NKAIN3: variants seen among roughly 807,000 people sequenced by gnomAD.
NKAIN3 encodes sodium/potassium-transporting ATPase subunit beta-1-interacting protein 3.
In NKAIN3, 25 loss-of-function variants were observed where a neutral mutation model predicts 30.2. The observed-to-expected ratio is 0.83, with a 90% CI of 0.60 to 1.16. The LOEUF is 1.16. Ranked by LOEUF, NKAIN3 falls within the 50% of genes most tolerant of loss-of-function variation. NKAIN3 has a pLI of 0.00. For synonymous variants in NKAIN3, 91 were observed against 89.6 expected (o/e 1.02, Z -0.09); for missense variants, 225 against 254.1 (o/e 0.89, Z 0.78).
At chr8:62,811,920 A>G (rs1030315346) in intron 4 of NKAIN3, among the ~76,000 whole-genome samples, 3 of 151,890 alleles carry the variant, frequency 2.0e-5, no homozygotes, top group Non-Finnish European at 4.4e-5. Flanking sequence ...TTGCCTAGCT[A>G]TAGACACCAA....
chr8:62,300,322 C>T (rs575391919), intron 1 of NKAIN3, among the ~76,000 whole-genome samples: 21 of 152,036 alleles, frequency 1.4e-4, no homozygotes, highest in Admixed American at 4.6e-4. Flanking sequence ...TTAAATTAAA[C>T]GAGAACAAAC....
chr8:62,803,441 G>C (rs1425099890), intron 4 of NKAIN3, among the ~76,000 whole-genome samples: 1 of 152,046 alleles, frequency 6.6e-6, no homozygotes, highest in Admixed American at 6.6e-5. Context: ...AATCAAACTA[G>C]AACTCAGGAT....
intron 3 of NKAIN3, among the ~76,000 whole-genome samples, chr8:62,622,786 A>G (rs1261012453): frequency 1.3e-5 from 2 of 151,866 alleles, no homozygotes; most frequent in Non-Finnish European, 2.9e-5. Flanking sequence ...TATAAGATCC[A>G]ATTTATTTTC....
chr8:62,951,938 T>A (rs1823294103), intron 5 of NKAIN3, among the ~76,000 whole-genome samples: 1 of 152,108 alleles, frequency 6.6e-6, no homozygotes, highest in South Asian at 2.1e-4. Context: ...TAGCTGGGAT[T>A]AGAGGTGTGT....
intron 2 of NKAIN3, among the ~76,000 whole-genome samples, chr8:62,582,565 G>A (rs1029730770): frequency 2.6e-5 from 4 of 152,110 alleles, no homozygotes; most frequent in African/African-American, 7.2e-5. Flanking sequence ...TATGAGACAA[G>A]TGTGAGAGTG....
chr8:62,598,925 C>T (rs1030483785), intron 3 of NKAIN3, among the ~76,000 whole-genome samples: 11 of 152,066 alleles, frequency 7.2e-5, no homozygotes, highest in Admixed American at 2.6e-4. Context: ...GTAATGATCC[C>T]AGCTGGATCA....
At chr8:62,748,938 T>C (rs1229862406) in intron 4 of NKAIN3, among the ~76,000 whole-genome samples, 2 of 152,204 alleles carry the variant, frequency 1.3e-5, no homozygotes, top group Non-Finnish European at 2.9e-5. Context: ...ACATACAAAA[T>C]TGTGGCAAAA....
chr8:62,499,968 A>G (rs1780617036), intron 1 of NKAIN3, among the ~76,000 whole-genome samples: 1 of 151,976 alleles, frequency 6.6e-6, no homozygotes, highest in Non-Finnish European at 1.5e-5. Context: ...ATAATGAAAT[A>G]ACTGATTGTT....
intron 5 of NKAIN3, among the ~76,000 whole-genome samples, chr8:62,997,629 T>C (rs1804147821): frequency 6.6e-6 from 1 of 152,172 alleles, no homozygotes; most frequent in African/African-American, 2.4e-5. Context: ...TTCTGGATAA[T>C]TCACTTAACA....
rs976383132 is a variant in NKAIN3 at position 62,471,249 on chromosome 8, G to T, written c.55-108290G>T. 9.2e-5 allele frequency among the ~76,000 whole-genome samples: 14 copies of T among 151,986 alleles called. No homozygotes were observed. In the East Asian group the frequency reaches 2.7e-3, roughly 29 times the overall value. Reference sequence around the variant, plus strand: ...AAGAGAGTGGATAGTCCTGGGGAGGGCGGGTTAAAGGATGAGAGTAGCACT... The same window carrying T: ...AAGAGAGTGGATAGTCCTGGGGAGGTCGGGTTAAAGGATGAGAGTAGCACT... On this transcript the variant is annotated intron_variant, in intron 1 of 6. Coordinates refer to ENST00000623646, the MANE Select transcript of NKAIN3 (RefSeq NM_001304533.3).
chr8:62,859,107 A>G (rs1262060051), intron 4 of NKAIN3, among the ~76,000 whole-genome samples: 20 of 152,154 alleles, frequency 1.3e-4, no homozygotes, highest in Admixed American at 1.3e-3. Context: ...CGCAGGTTGC[A>G]AAGATCTGTG....
intron 3 of NKAIN3, among the ~76,000 whole-genome samples, chr8:62,721,510 C>T (rs182623493): frequency 3.3e-5 from 5 of 152,268 alleles, no homozygotes; most frequent in Admixed American, 1.3e-4. Flanking sequence ...ATGATTAGAA[C>T]ACCAGCCAAA....
intron 4 of NKAIN3, among the ~76,000 whole-genome samples, chr8:62,766,255 T>C (rs1369980103): frequency 6.6e-6 from 1 of 152,162 alleles, no homozygotes; most frequent in Admixed American, 6.5e-5. Flanking sequence ...ATAACTACTT[T>C]ATTAACTCAT....
chr8:62,349,813 T>G (rs7842084), intron 1 of NKAIN3, among the ~76,000 whole-genome samples: 1 of 152,128 alleles, frequency 6.6e-6, no homozygotes, highest in African/African-American at 2.4e-5. Context: ...AAGGTAGATA[T>G]ATCAGACCTT....
chr8:62,811,908 C>G (rs1818500385), intron 4 of NKAIN3, among the ~76,000 whole-genome samples: 1 of 151,916 alleles, frequency 6.6e-6, no homozygotes, highest in South Asian at 2.1e-4. Context: ...TCTAAGAAGT[C>G]TTTGCCTAGC....
chr8:62,313,441 A>C (rs1814511703), intron 1 of NKAIN3, among the ~76,000 whole-genome samples: 1 of 152,168 alleles, frequency 6.6e-6, no homozygotes, highest in Admixed American at 6.6e-5. Flanking sequence ...AGCTGAAAAA[A>C]GAACAATAAT....
At chr8:62,456,126 A>G (rs999205807) in intron 1 of NKAIN3, among the ~76,000 whole-genome samples, 1 of 152,188 alleles carries the variant, frequency 6.6e-6, no homozygotes, top group Non-Finnish European at 1.5e-5. Flanking sequence ...TATTTCTGGA[A>G]TTTTTCATTT....
intron 1 of NKAIN3, among the ~76,000 whole-genome samples, chr8:62,332,229 AAGGT>A (rs375190829): frequency 9.1e-4 from 138 of 152,232 alleles, no homozygotes; most frequent in African/African-American, 3.1e-3. Flanking sequence ...GACTTCGTTA[AAGGT>A]CAGTGAGAAT....
chr8:62,325,986 C>CTTT (rs1815108550), intron 1 of NKAIN3, among the ~76,000 whole-genome samples: 1 of 151,828 alleles, frequency 6.6e-6, no homozygotes, highest in African/African-American at 2.4e-5. Flanking sequence ...ATTTATTTTG[C>CTTT]TGTGAAATAG....
Sources: gnomAD v4.1 joint callset for allele counts (sites outside exome capture counted in the v4.1 genomes callset) on GRCh38, gnomAD v4.1.1 for gene constraint, MANE v1.5 for transcripts, NCBI Gene and HGNC (gene_info 2026-07-23, HGNC 2026-07-21) for gene names.